PFKP: variants seen among roughly 807,000 people sequenced by gnomAD.
PFKP encodes phosphofructokinase, platelet.
A neutral mutation model predicts 94.3 loss-of-function variants in PFKP; 101 were observed. The observed-to-expected ratio is 1.07, with a 90% CI of 0.91 to 1.26. The LOEUF (loss-of-function observed/expected upper bound fraction) is 1.26. PFKP is among the 50% of genes most tolerant of loss of function. The pLI is 0.00. For missense variants in PFKP, 1,145 were observed against 1,103.3 expected (o/e 1.04, Z -0.53); for synonymous variants, 573 against 432.6 (o/e 1.32, Z -4.03).
intron 16 of PFKP, 81 bp downstream of exon 16, chr10:3,120,125 C>T (rs1837253586): frequency 9.1e-7 from 1 of 1,103,350 alleles, no homozygotes; most frequent in East Asian, 2.4e-5. Flanking sequence ...TACCAGTGCG[C>T]TAGAAATAGC....
intron 3 of PFKP, chr10:3,101,067 G>A: frequency 1.6e-6 from 2 of 1,264,474 alleles, no homozygotes; most frequent in Non-Finnish European, 2.3e-6. Flanking sequence ...TGAGGCGGCT[G>A]CTGTGACACC....
chr10:3,119,723 C>T (rs1837205908), intron 15 of PFKP, among the ~76,000 whole-genome samples, 169 bp from the exon 16 acceptor site: 1 of 152,140 alleles, frequency 6.6e-6, no homozygotes, highest in African/African-American at 2.4e-5. Context: ...ACCTGCCGAT[C>T]CTTGTCTGTG....
rs116094374 is a variant in PFKP, at chr10:3,094,240, G to C, written c.187-5035G>C. Among the ~76,000 whole-genome samples, 329 of 152,286 alleles carry C rather than the reference G, an allele frequency of 2.2e-3. 1 individual carries two copies. Among genetic ancestry groups the C allele is most frequent in the African/African-American group, 7.6e-3 (315 of 41,556 alleles). Reference sequence around the variant, plus strand: ...GGGCGACCGGCCTCGCTCCTGCTGGGGCTGTTGGTTGTACAACTTACCGGA... The same window carrying C: ...GGGCGACCGGCCTCGCTCCTGCTGGCGCTGTTGGTTGTACAACTTACCGGA... On this transcript the variant is annotated intron_variant, in intron 2 of 21. Coordinates refer to ENST00000381125, the MANE Select transcript of PFKP (RefSeq NM_002627.5).
intron 16 of PFKP, chr10:3,129,591 C>T (rs1207852811): frequency 1.7e-5 from 9 of 526,098 alleles, no homozygotes; most frequent in African/African-American, 2.0e-5. Flanking sequence ...AACGGGACAT[C>T]GAGGTCACCT....
At position 3,134,503 on chromosome 10, in the gene PFKP, TGATA is replaced by T. The variant is rs1401452607; in HGVS notation, c.2046_2049del (p.Asp682GlufsTer40). On this transcript the variant is annotated frameshift_variant, in exon 20 of 22. Coordinates refer to ENST00000381125, the MANE Select transcript of PFKP (RefSeq NM_002627.5). LOFTEE classifies it high-confidence loss of function. ...AACAGGGTGGGGCACCCTCTCCATT[TGATA>T]GAAACTTTGGAACCAAAATCTCTGC... The T allele has an allele frequency of 6.2e-7, 1 of 1,613,414 alleles. No individual in the cohort carries two copies. Among genetic ancestry groups the T allele is most frequent in the East Asian group, 2.2e-5 (1 of 44,884 alleles).
intron 14 of PFKP, among the ~76,000 whole-genome samples, chr10:3,118,392 C>G (rs768031654): frequency 1.3e-5 from 2 of 151,994 alleles, no homozygotes; most frequent in Admixed American, 1.3e-4. Flanking sequence ...CACTTGAACC[C>G]GGGAGGCGGA....
At chr10:3,080,369 T>G (rs1385728117) in intron 1 of PFKP, among the ~76,000 whole-genome samples, 1 of 151,718 alleles carries the variant, frequency 6.6e-6, no homozygotes, top group Non-Finnish European at 1.5e-5. Flanking sequence ...TACAAAAAAT[T>G]AGCCAGGCGT....
intron 16 of PFKP, among the ~76,000 whole-genome samples, chr10:3,127,844 G>GCTTCCC (rs1454995520): frequency 2.0e-5 from 3 of 152,216 alleles, no homozygotes; most frequent in Non-Finnish European, 4.4e-5. Flanking sequence ...ATTTTGGGAA[G>GCTTCCC]AAAAGAATCT....
At chr10:3,079,294 G>A (rs1039009080) in intron 1 of PFKP, among the ~76,000 whole-genome samples, 2 of 151,954 alleles carry the variant, frequency 1.3e-5, no homozygotes, top group Admixed American at 6.5e-5. Context: ...GAGTGCAGTG[G>A]CATGATCTCA....
At chr10:3,086,480 T>C (rs189964336) in intron 2 of PFKP, among the ~76,000 whole-genome samples, 28 of 152,232 alleles carry the variant, frequency 1.8e-4, no homozygotes, top group Middle Eastern at 3.4e-3. Context: ...CGTTTACCAG[T>C]GTTTGGAGGC....
chr10:3,113,040 A>G, intron 11 of PFKP, 79 bp from the exon 12 acceptor site: 1 of 1,290,624 alleles, frequency 7.7e-7, no homozygotes, highest in Non-Finnish European at 1.1e-6. Context: ...GCTGGCAGAT[A>G]AGCCACCTTT....
intron 1 of PFKP, among the ~76,000 whole-genome samples, chr10:3,077,929 C>A (rs1832744545): frequency 2.6e-5 from 4 of 152,216 alleles, no homozygotes; most frequent in South Asian, 4.1e-4. Context: ...TCCCTGAAAA[C>A]TGGGATTTTT....
At chr10:3,109,217 G>A in intron 9 of PFKP, 138 bp from the exon 10 acceptor site, 1 of 1,132,324 alleles carries the variant, frequency 8.8e-7, no homozygotes, top group South Asian at 1.3e-5. Context: ...AAATCGCTTT[G>A]CTCTAAAGAG....
In PFKP at chr10:3,118,858, G is replaced by C. The variant is rs1378989519; in HGVS notation, c.1519G>C (p.Gly507Arg). Residue 507 changes from glycine (G) to arginine (R), a missense_variant, in exon 15 of 22, where the codon GGT (glycine) becomes CGT (arginine). Gly to Arg is a moderately radical substitution (Grantham distance 125, BLOSUM62 -2). Coordinates refer to ENST00000381125, the MANE Select transcript of PFKP (RefSeq NM_002627.5). The stretch of plus-strand genomic sequence containing the variant: ...CAGCATCAACGCGCTGCTGATCATC[G>C]GTGGATTCGAGGTACGTTACCGTTT... ...THSINALLIIGGFEAYLGLLE... is the reference protein window; with the variant it reads ...THSINALLIIRGFEAYLGLLE... The C allele has an allele frequency of 1.9e-6, 3 of 1,612,556 alleles. No individual in the cohort carries two copies. Among genetic ancestry groups the C allele is most frequent in the Non-Finnish European group, 2.5e-6 (3 of 1,178,880 alleles).
intron 5 of PFKP, chr10:3,104,878 G>T: frequency 1.7e-6 from 1 of 598,138 alleles, no homozygotes; most frequent in Non-Finnish European, 3.0e-6. Flanking sequence ...CAACTGGAGA[G>T]CGCAGAGGTG....
At chr10:3,121,564 C>T (rs1328440618) in intron 16 of PFKP, among the ~76,000 whole-genome samples, 1 of 143,506 alleles carries the variant, frequency 7.0e-6, no homozygotes, top group Non-Finnish European at 1.5e-5. Flanking sequence ...TTCCAGGGTC[C>T]TCTGCTATAA....
chr10:3,117,359 A>T (rs1339432324), intron 14 of PFKP, among the ~76,000 whole-genome samples: 1 of 152,158 alleles, frequency 6.6e-6, no homozygotes, highest in Non-Finnish European at 1.5e-5. Context: ...ATCCCTGGGG[A>T]CAATGGGATT....
chr10:3,070,898 A>AATTATTATTATT (rs142048993), intron 1 of PFKP, among the ~76,000 whole-genome samples: 2 of 140,224 alleles, frequency 1.4e-5, no homozygotes, highest in African/African-American at 5.0e-5. Flanking sequence ...ATGACCAGCT[A>AATTATTATTATT]ATTATTATTA....
chr10:3,093,572 C>T (rs368005878), intron 2 of PFKP, among the ~76,000 whole-genome samples: 2 of 150,970 alleles, frequency 1.3e-5, no homozygotes, highest in African/African-American at 2.4e-5. Flanking sequence ...CCCTGCCTAT[C>T]GTTGGAACAT....
Sources: gnomAD v4.1 joint callset for allele counts (sites outside exome capture counted in the v4.1 genomes callset) on GRCh38, gnomAD v4.1.1 for gene constraint, MANE v1.5 for transcripts, NCBI Gene and HGNC (gene_info 2026-07-23, HGNC 2026-07-21) for gene names.